PID1: variants seen among roughly 807,000 people sequenced by gnomAD.
The protein encoded by PID1 is phosphotyrosine interaction domain containing 1.
PID1 carries 10 observed loss-of-function variants against 19.1 expected under a neutral mutation model. The ratio of observed to expected loss-of-function variants is 0.52; its 90% CI spans 0.32 to 0.89. The LOEUF (loss-of-function observed/expected upper bound fraction) is 0.89. PID1 is among the 40% of genes least tolerant of loss of function. The pLI, the probability that PID1 is intolerant of heterozygous loss-of-function variation, is 0.03. For synonymous variants in PID1, 130 were observed against 116.0 expected (o/e 1.12, Z -0.78); for missense variants, 248 against 285.3 (o/e 0.87, Z 0.94).
At chr2:229,113,788 G>A (rs1307796941) in intron 2 of PID1, among the ~76,000 whole-genome samples, 4 of 152,010 alleles carry the variant, frequency 2.6e-5, no homozygotes, top group Non-Finnish European at 5.9e-5. Flanking sequence ...ACAAGAACAC[G>A]GAAGGTGATG....
intron 2 of PID1, among the ~76,000 whole-genome samples, chr2:229,066,545 A>T (rs1292503264): frequency 6.6e-6 from 1 of 152,132 alleles, no homozygotes; most frequent in African/African-American, 2.4e-5. Flanking sequence ...CATATCCTGG[A>T]TGAAGTCAGA....
Position 229,058,630 on chromosome 2 carries a change from G to A in PID1, c.178-32522C>T, listed in dbSNP as rs117339441. Among the ~76,000 whole-genome samples, 28 of 150,900 alleles carry A rather than the reference G, an allele frequency of 1.9e-4. No homozygotes were observed. In the East Asian group the frequency reaches 2.3e-3, roughly 13 times the overall value. ...CATCTCATTTTTATTCAACCTCAGC[G>A]TCATTGCACTTTCAAAGAAACTTGA... On this transcript the variant is annotated intron_variant, in intron 2 of 2. Coordinates refer to ENST00000392055, the MANE Select transcript of PID1 (RefSeq NM_001100818.2).
intron 2 of PID1, among the ~76,000 whole-genome samples, chr2:229,112,895 A>G (rs191977129): frequency 3.7e-4 from 56 of 152,318 alleles, no homozygotes; most frequent in African/African-American, 1.3e-3. Flanking sequence ...TGCTGCTCAG[A>G]AAACAGTCAT....
At chr2:229,039,780 A>T (rs1255978157) in intron 2 of PID1, among the ~76,000 whole-genome samples, 1 of 152,214 alleles carries the variant, frequency 6.6e-6, no homozygotes, top group Non-Finnish European at 1.5e-5. Flanking sequence ...AGAGAAACAG[A>T]CACTCATATA....
chr2:229,029,807 T>G (rs1693507844), intron 2 of PID1, among the ~76,000 whole-genome samples: 1 of 144,332 alleles, frequency 6.9e-6, no homozygotes, highest in African/African-American at 2.6e-5. Context: ...ATCACTGCAC[T>G]CCAGCCTGGG....
chr2:229,115,791 A>T (rs756891046), intron 2 of PID1, among the ~76,000 whole-genome samples: 11 of 152,214 alleles, frequency 7.2e-5, no homozygotes, highest in Admixed American at 2.0e-4. Flanking sequence ...GAACTTGGCA[A>T]TACAGAAACA....
chr2:229,223,500 G>C (rs1204423025), intron 1 of PID1, among the ~76,000 whole-genome samples: 2 of 152,136 alleles, frequency 1.3e-5, no homozygotes, highest in African/African-American at 2.4e-5. Context: ...TTTGCTTTCA[G>C]CTACACTATT....
At chr2:229,161,548 G>C (rs17676274) in intron 1 of PID1, among the ~76,000 whole-genome samples, 49,002 of 152,156 alleles carry the variant, frequency 0.32, 8,662 homozygotes, top group East Asian at 0.71. Context: ...AAGACGTCAT[G>C]AATTTTAAAA....
chr2:229,220,973 A>C (rs1043339407), intron 1 of PID1, among the ~76,000 whole-genome samples: 1 of 152,134 alleles, frequency 6.6e-6, no homozygotes, highest in African/African-American at 2.4e-5. Flanking sequence ...TTTAACCCAT[A>C]AATATTTTCA....
chr2:229,078,535 T>C (rs1694609120), intron 2 of PID1, among the ~76,000 whole-genome samples: 1 of 152,166 alleles, frequency 6.6e-6, no homozygotes. Context: ...TGTGGGTTTG[T>C]CATAAACAGT....
chr2:229,228,976 A>G (rs1692143808), intron 1 of PID1, among the ~76,000 whole-genome samples: 2 of 152,288 alleles, frequency 1.3e-5, no homozygotes, highest in Middle Eastern at 6.8e-3. Context: ...ATCTCAAAGA[A>G]ATGCCTTTGA....
At chr2:229,213,901 T>C (rs1553578934) in intron 1 of PID1, among the ~76,000 whole-genome samples, 1 of 152,242 alleles carries the variant, frequency 6.6e-6, no homozygotes, top group Non-Finnish European at 1.5e-5. Flanking sequence ...AATCTTTAAC[T>C]ATGTAGAATT....
chr2:229,130,944 T>C (rs550369391), intron 2 of PID1, among the ~76,000 whole-genome samples: 1 of 152,194 alleles, frequency 6.6e-6, no homozygotes, highest in Non-Finnish European at 1.5e-5. Context: ...GTAACTCCAA[T>C]CTTCACATGA....
intron 2 of PID1, among the ~76,000 whole-genome samples, chr2:229,139,119 A>AAGAAAGAAAG: frequency 1.2e-5 from 1 of 84,008 alleles, no homozygotes; most frequent in East Asian, 5.1e-4. Flanking sequence ...AAGAAAGAGA[A>AAGAAAGAAAG]AGAAAGAAAG....
chr2:229,035,504 A>ATG (rs1559203421), intron 2 of PID1, among the ~76,000 whole-genome samples: 1 of 104,244 alleles, frequency 9.6e-6, no homozygotes, highest in Non-Finnish European at 2.0e-5. Context: ...CCAATCATTT[A>ATG]TATGTGTGTG....
intron 1 of PID1, among the ~76,000 whole-genome samples, chr2:229,218,438 G>C (rs570967865): frequency 6.6e-6 from 1 of 152,154 alleles, no homozygotes; most frequent in Non-Finnish European, 1.5e-5. Context: ...TAATCACAGA[G>C]TAACTCTTCC....
At chr2:229,188,717 C>T (rs936871338) in intron 1 of PID1, among the ~76,000 whole-genome samples, 21 of 132,120 alleles carry the variant, frequency 1.6e-4, no homozygotes, top group South Asian at 1.0e-3. Flanking sequence ...CCAGCCTGGG[C>T]AACAAGAGCG....
At chr2:229,195,875 C>T (rs1012586841) in intron 1 of PID1, among the ~76,000 whole-genome samples, 1 of 152,028 alleles carries the variant, frequency 6.6e-6, no homozygotes, top group African/African-American at 2.4e-5. Flanking sequence ...CCATCCAACA[C>T]ATCATTTTTA....
At chr2:229,045,234 C>A (rs1693851481) in intron 2 of PID1, among the ~76,000 whole-genome samples, 1 of 152,162 alleles carries the variant, frequency 6.6e-6, no homozygotes, top group Admixed American at 6.5e-5. Flanking sequence ...GATTACAGGC[C>A]AAAAGCCACT....
Sources: allele counts gnomAD v4.1 joint callset (sites outside exome capture counted in the v4.1 genomes callset), GRCh38; gene constraint gnomAD v4.1.1; transcripts MANE v1.5; gene names NCBI Gene and HGNC (gene_info 2026-07-23, HGNC 2026-07-21).